Variants in SLC4A4 observed in about 807,000 individuals in gnomAD.
SLC4A4 encodes the protein solute carrier family 4 member 4, also known as electrogenic sodium bicarbonate cotransporter 1.
Under a neutral mutation model 111.5 loss-of-function variants are expected in SLC4A4, and 27 were observed. That is an observed-to-expected ratio of 0.24 (90% CI 0.18 to 0.33). SLC4A4 has a LOEUF of 0.33. Among genes scored for constraint, SLC4A4 ranks in the 10% least tolerant of loss-of-function variants. The pLI is 1.00. For missense variants in SLC4A4, 909 were observed against 1,315.5 expected, an observed-to-expected ratio of 0.69 and a Z score of 4.78; for synonymous variants, 443 against 463.4, an observed-to-expected ratio of 0.96 and a Z score of 0.57.
intron 7 of SLC4A4, among the ~76,000 whole-genome samples, chr4:71,423,864 A>G (rs1722807551): frequency 1.3e-5 from 2 of 152,178 alleles, no homozygotes; most frequent in Non-Finnish European, 2.9e-5. Context: ...AGACTTAAAC[A>G]TTAGACCTAA....
chr4:71,365,952 TTTATTTCCCACACATCACCCGG>T (rs1292025400), intron 6 of SLC4A4, among the ~76,000 whole-genome samples: 3 of 152,168 alleles, frequency 2.0e-5, no homozygotes, highest in Non-Finnish European at 4.4e-5. Context: ...TCAATCATAA[TTTATTTCCCACACATCACCCGG>T]TCCAGGTCTC....
intron 24 of SLC4A4, among the ~76,000 whole-genome samples, chr4:71,565,995 A>G (rs1307985902): frequency 6.6e-6 from 1 of 151,838 alleles, no homozygotes; most frequent in Non-Finnish European, 1.5e-5. Context: ...TACTTCTGTC[A>G]TATTCTGGTG....
At chr4:71,547,518 T>C in intron 19 of SLC4A4, 130 bp from the exon 20 acceptor site, 1 of 771,658 alleles carries the variant, frequency 1.3e-6, no homozygotes, top group Non-Finnish European at 2.3e-6. Context: ...ATTATTTACA[T>C]GATATCAACA....
At chr4:71,257,631 T>A (rs1383760770) in intron 3 of SLC4A4, among the ~76,000 whole-genome samples, 1 of 152,202 alleles carries the variant, frequency 6.6e-6, no homozygotes, top group Admixed American at 6.6e-5. Flanking sequence ...TTGCCTACTA[T>A]ACTATTATTG....
chr4:71,368,723 A>G (rs1243943422), intron 6 of SLC4A4, among the ~76,000 whole-genome samples: 1 of 152,180 alleles, frequency 6.6e-6, no homozygotes, highest in Non-Finnish European at 1.5e-5. Flanking sequence ...TTATTATGTA[A>G]ATCTTTCTTC....
intron 14 of SLC4A4, among the ~76,000 whole-genome samples, chr4:71,474,776 A>G (rs1447168849): frequency 6.6e-6 from 1 of 151,938 alleles, no homozygotes; most frequent in Non-Finnish European, 1.5e-5. Flanking sequence ...CCATATAGTT[A>G]TGAAAGCTAA....
intron 2 of SLC4A4, among the ~76,000 whole-genome samples, chr4:71,242,631 T>G (rs1210746590): frequency 2.6e-5 from 4 of 152,062 alleles, no homozygotes; most frequent in African/African-American, 9.6e-5. Context: ...GTTGTTTTTC[T>G]TTCTGATGGA....
chr4:71,529,347 T>A (rs1371148436), intron 16 of SLC4A4, among the ~76,000 whole-genome samples: 4 of 152,148 alleles, frequency 2.6e-5, no homozygotes, highest in African/African-American at 9.7e-5. Flanking sequence ...TTGTTTTTCT[T>A]TCAACAGTAT....
chr4:71,540,156 G>C (rs943632732), intron 18 of SLC4A4, among the ~76,000 whole-genome samples: 1 of 152,160 alleles, frequency 6.6e-6, no homozygotes, highest in Non-Finnish European at 1.5e-5. Flanking sequence ...GAGGAACCAT[G>C]TCATGGCTCT....
chr4:71,338,126 C>A (rs963611028), intron 3 of SLC4A4, among the ~76,000 whole-genome samples: 2 of 152,112 alleles, frequency 1.3e-5, no homozygotes, highest in African/African-American at 4.8e-5. Context: ...AGCCACCGCG[C>A]CCTGCCATTT....
At chr4:71,220,140 G>T (rs1455707100) in intron 1 of SLC4A4, among the ~76,000 whole-genome samples, 2 of 152,194 alleles carry the variant, frequency 1.3e-5, no homozygotes, top group Non-Finnish European at 2.9e-5. Flanking sequence ...ATGCAACAAA[G>T]AAATACTTTG....
chr4:71,285,865 T>C (rs986763421), intron 3 of SLC4A4, among the ~76,000 whole-genome samples: 3 of 152,220 alleles, frequency 2.0e-5, no homozygotes, highest in Non-Finnish European at 2.9e-5. Context: ...ATGTTTATTA[T>C]GACTTTTCAT....
At chr4:71,188,757 GCT>G (rs1346445112) in intron 1 of SLC4A4, among the ~76,000 whole-genome samples, 1 of 151,816 alleles carries the variant, frequency 6.6e-6, no homozygotes, top group African/African-American at 2.4e-5. Flanking sequence ...TCTGACTACA[GCT>G]CTCTTTCTTG....
chr4:71,345,170 A>T (rs1272050935), intron 4 of SLC4A4, among the ~76,000 whole-genome samples: 1 of 152,082 alleles, frequency 6.6e-6, no homozygotes, highest in East Asian at 1.9e-4. Context: ...AATCGTTTGG[A>T]ATTGGTGAAG....
chr4:71,466,614 C>CAA (rs772081905), intron 13 of SLC4A4, 37 bp downstream of exon 13: 129 of 1,596,228 alleles, frequency 8.1e-5, no homozygotes, highest in Non-Finnish European at 9.4e-5. Context: ...ATTAGAATTG[C>CAA]TTAATTGTAG....
chr4:71,095,468 A>G (rs1742517931), intron 2 of SLC4A4, among the ~76,000 whole-genome samples: 1 of 152,204 alleles, frequency 6.6e-6, no homozygotes, highest in African/African-American at 2.4e-5. Flanking sequence ...AAAATGTAGG[A>G]CTTTCTAATT....
intron 3 of SLC4A4, among the ~76,000 whole-genome samples, chr4:71,298,742 G>C (rs1724997543): frequency 6.6e-6 from 1 of 152,172 alleles, no homozygotes; most frequent in Non-Finnish European, 1.5e-5. Context: ...AAGTAGTTCA[G>C]GTTCAGATAT....
At chr4:71,143,194 C>A (rs1348633545) in intron 2 of SLC4A4, among the ~76,000 whole-genome samples, 2 of 151,922 alleles carry the variant, frequency 1.3e-5, no homozygotes, top group Non-Finnish European at 2.9e-5. Context: ...TGAGAACATG[C>A]AGTGTTTGGT....
Position 71,119,844 on chromosome 4 carries a change from T to C in SLC4A4, c.-2+27052T>C, listed in dbSNP as rs116519773. 2.9e-3 allele frequency among the ~76,000 whole-genome samples: 435 copies of C among 152,358 alleles called. 5 individuals are homozygous for C. The highest frequency in any genetic ancestry group is 0.01 in the African/African-American group (422 of 41,598). On this transcript the variant is annotated intron_variant, in intron 2 of 26. Transcript: ENST00000649996. ...CTGTAGTATGTTTAGTCTGTCTTTA[T>C]ATTGTGCATTTCTTGATCATTACTT...
Sources: gnomAD v4.1 joint callset for allele counts (sites outside exome capture counted in the v4.1 genomes callset) on GRCh38, gnomAD v4.1.1 for gene constraint, MANE v1.5 for transcripts, NCBI Gene and HGNC (gene_info 2026-07-23, HGNC 2026-07-21) for gene names.